Variants in TDRD12 observed in about 807,000 individuals in gnomAD.
TDRD12 encodes tudor domain containing 12, also known as putative ATP-dependent RNA helicase TDRD12.
TDRD12 carries 158 observed loss-of-function variants against 133.5 expected under a neutral mutation model. The observed-to-expected ratio is 1.18, with a 90% CI of 1.04 to 1.35. The LOEUF (loss-of-function observed/expected upper bound fraction) is 1.35. Ranked by LOEUF, TDRD12 falls within the 40% of genes most tolerant of loss-of-function variation. The pLI is 0.00. For missense variants in TDRD12, 1,443 were observed against 1,321.3 expected (o/e 1.09, Z -1.43); for synonymous variants, 460 against 477.9 (o/e 0.96, Z 0.49).
intron 16 of TDRD12, among the ~76,000 whole-genome samples, 179 bp downstream of exon 16, chr19:32,798,614 G>A (rs1488865674): frequency 6.6e-6 from 1 of 152,174 alleles, no homozygotes; most frequent in Non-Finnish European, 1.5e-5. Flanking sequence ...CCTTCCCAGT[G>A]TTAGAATTCT....
At chr19:32,747,085 A>T (rs1969673719) in intron 4 of TDRD12, among the ~76,000 whole-genome samples, 2 of 147,618 alleles carry the variant, frequency 1.4e-5, no homozygotes, top group African/African-American at 2.5e-5. Context: ...AGGGAGAGTG[A>T]CTGGCTGATG....
intron 11 of TDRD12, among the ~76,000 whole-genome samples, chr19:32,789,525 G>A (rs138144707): frequency 1.3e-5 from 2 of 152,246 alleles, no homozygotes; most frequent in Admixed American, 6.5e-5. Context: ...CATACGGTGG[G>A]TGGGCCTTGG....
At chr19:32,823,973 A>C (rs1465121002), downstream of TDRD12, among the ~76,000 whole-genome samples, 2 of 152,176 alleles carry the variant, frequency 1.3e-5, no homozygotes, top group Non-Finnish European at 1.5e-5. Flanking sequence ...TAGCCCTTGG[A>C]GGACATGCAG....
chr19:32,788,480 T>C (rs529260572), intron 11 of TDRD12, among the ~76,000 whole-genome samples: 1 of 152,306 alleles, frequency 6.6e-6, no homozygotes, highest in South Asian at 2.1e-4. Context: ...TTATTTCTAA[T>C]ATCACGTTTT....
At chr19:32,757,040 T>A (rs1568461792) in exon 8 of TDRD12, 19 of 1,551,360 alleles carry the variant, frequency 1.2e-5, no homozygotes, top group Non-Finnish European at 1.7e-5. Flanking sequence ...TCTATCAGAT[T>A]CACATGGTGT....
At chr19:32,748,350 C>G (rs1969717829) in intron 4 of TDRD12, 126 bp from the exon 5 acceptor site, 1 of 927,368 alleles carries the variant, frequency 1.1e-6, no homozygotes, top group Non-Finnish European at 1.6e-6. Flanking sequence ...TGCCAGGTGC[C>G]CCATCATCTG....
At chr19:32,748,979 A>C (rs1003603731) in intron 5 of TDRD12, among the ~76,000 whole-genome samples, 1 of 152,222 alleles carries the variant, frequency 6.6e-6, no homozygotes, top group Non-Finnish European at 1.5e-5. Context: ...TTTTTATTTT[A>C]TATCAGTGAC....
At chr19:32,776,345 T>C (rs1377223135) in intron 10 of TDRD12, among the ~76,000 whole-genome samples, 15 of 152,210 alleles carry the variant, frequency 9.9e-5, no homozygotes, top group Admixed American at 8.5e-4. Context: ...GTGCAGGTTT[T>C]CTCTCAGGGT....
At chr19:32,800,385 A>ATGTGTG (rs113439291) in intron 17 of TDRD12, 27 bp downstream of exon 17, 6 of 1,364,628 alleles carry the variant, frequency 4.4e-6, no homozygotes, top group South Asian at 3.1e-5. Context: ...GTGTATGTGT[A>ATGTGTG]TGTGTGTGTG....
At chr19:32,773,789 A>G (rs543408079) in intron 10 of TDRD12, among the ~76,000 whole-genome samples, 7 of 152,340 alleles carry the variant, frequency 4.6e-5, no homozygotes, top group African/African-American at 1.7e-4. Flanking sequence ...TGATGATTGG[A>G]AAATAGTCCA....
At chr19:32,786,097 C>T (rs545528139) in intron 11 of TDRD12, among the ~76,000 whole-genome samples, 14 of 152,164 alleles carry the variant, frequency 9.2e-5, no homozygotes, top group Non-Finnish European at 2.1e-4. Context: ...TTAGTACTTC[C>T]TTCAGGAGCT....
intron 13 of TDRD12, among the ~76,000 whole-genome samples, chr19:32,793,534 G>A (rs577463134): frequency 1.3e-5 from 2 of 152,172 alleles, no homozygotes; most frequent in Non-Finnish European, 2.9e-5. Context: ...TCATGGTGCC[G>A]ATGAGCTCGG....
intron 11 of TDRD12, among the ~76,000 whole-genome samples, chr19:32,780,122 A>T (rs1405677347): frequency 7.8e-6 from 1 of 128,290 alleles, no homozygotes; most frequent in Non-Finnish European, 1.6e-5. Flanking sequence ...CTCGCTCTGT[A>T]GCCCAGGCTT....
intron 2 of TDRD12, among the ~76,000 whole-genome samples, chr19:32,736,710 C>A (rs1375745367): frequency 1.3e-5 from 2 of 152,198 alleles, no homozygotes; most frequent in Non-Finnish European, 2.9e-5. Context: ...CTCTATCAGT[C>A]CCCTTCCTTT....
chr19:32,739,914 G>A (rs1969359269), intron 3 of TDRD12, among the ~76,000 whole-genome samples: 1 of 143,826 alleles, frequency 7.0e-6, no homozygotes, highest in Non-Finnish European at 1.5e-5. Context: ...TGCATCTCCT[G>A]GGTACTCTCT....
chr19:32,808,120 T>C (rs1568490902), intron 22 of TDRD12, among the ~76,000 whole-genome samples: 1 of 152,212 alleles, frequency 6.6e-6, no homozygotes, highest in Non-Finnish European at 1.5e-5. Context: ...AAGACATTCA[T>C]GATAATTTCT....
At chr19:32,813,480 A>T (rs1210635792) in intron 24 of TDRD12, among the ~76,000 whole-genome samples, 2 of 152,188 alleles carry the variant, frequency 1.3e-5, no homozygotes, top group Non-Finnish European at 2.9e-5. Context: ...GTACGAGGCC[A>T]TGGGCGAGTT....
At chr19:32,827,372 C>CTTTTCTTTCTTTTTTTTTTTTTTTTT (rs61327156) in exon 10 of TDRD12, 1 of 119,008 alleles carries the variant, frequency 8.4e-6, no homozygotes, top group Non-Finnish European at 1.4e-5. Context: ...CTTTTCTTTT[C>CTTTTCTTTCTTTTTTTTTTTTTTTTT]TTTTTTTTTT....
At position 32,765,580 on chromosome 19, in the gene TDRD12, G is replaced by C. The variant is rs1440605951; in HGVS notation, c.866-7173G>C. On this transcript the variant is annotated intron_variant, in intron 8 of 27. Coordinates refer to ENST00000444215, the Ensembl canonical transcript of TDRD12. The stretch of plus-strand genomic sequence containing the variant: ...AGCCATAAAAAGGATGAGTTCAGGT[G>C]CTTTGTAGGGACATGGATGAAGCTG... 2.0e-5 allele frequency among the ~76,000 whole-genome samples: 3 copies of C among 152,090 alleles called. No individual in the cohort carries two copies. In the East Asian group the frequency reaches 5.8e-4, roughly 29 times the overall value.
Sources: gnomAD v4.1 joint callset for allele counts (sites outside exome capture counted in the v4.1 genomes callset) on GRCh38, gnomAD v4.1.1 for gene constraint, MANE v1.5 for transcripts, NCBI Gene and HGNC (gene_info 2026-07-23, HGNC 2026-07-21) for gene names.